The following KNG1 variants were observed in gnomAD, a reference collection of about 807,000 sequenced individuals.
The protein encoded by KNG1 is kininogen-1.
Under a neutral mutation model 47.8 loss-of-function variants are expected in KNG1, and 23 were observed. That is an observed-to-expected ratio of 0.48 (90% confidence interval 0.35 to 0.68). The LOEUF is 0.68. Ranked by LOEUF, KNG1 falls within the 30% of genes least tolerant of loss-of-function variation. KNG1 has a pLI of 0.01. For synonymous variants in KNG1, 277 were observed against 277.0 expected (o/e 1.00, Z 0.00); for missense variants, 762 against 790.2 (o/e 0.96, Z 0.43).
intron 4 of KNG1, among the ~76,000 whole-genome samples, 196 bp from the exon 5 acceptor site, chr3:186,727,041 T>TG (rs3217421): frequency 0.32 from 48,462 of 151,268 alleles, 8,378 homozygotes; most frequent in Middle Eastern, 0.48. Flanking sequence ...TGTGTGTGTG[T>TG]TTGTGTGAGA....
At chr3:186,726,640 A>T (rs1265277008) in intron 4 of KNG1, among the ~76,000 whole-genome samples, 1 of 152,070 alleles carries the variant, frequency 6.6e-6, no homozygotes, top group Non-Finnish European at 1.5e-5. Context: ...TCAGCCTCTT[A>T]TTATGAGTGA....
intron 4 of KNG1, among the ~76,000 whole-genome samples, 190 bp from the exon 5 acceptor site, chr3:186,727,047 T>A (rs1218939903): frequency 6.6e-6 from 1 of 151,770 alleles, no homozygotes; most frequent in African/African-American, 2.4e-5. Context: ...TGTGTTTGTG[T>A]GAGAGATATG....
intron 3 of KNG1, among the ~76,000 whole-genome samples, chr3:186,724,120 T>C (rs1720282595): frequency 6.6e-6 from 1 of 152,248 alleles, no homozygotes; most frequent in Non-Finnish European, 1.5e-5. Flanking sequence ...ACTGGATATA[T>C]GGTATTTGGT....
intron 7 of KNG1, among the ~76,000 whole-genome samples, chr3:186,735,091 C>T (rs1017102052): frequency 9.9e-5 from 15 of 152,168 alleles, no homozygotes; most frequent in Admixed American, 6.5e-4. Flanking sequence ...TTGAAAGGGA[C>T]GCCAATCTAT....
At chr3:186,733,202 C>A (rs538538728) in intron 7 of KNG1, among the ~76,000 whole-genome samples, 1 of 151,844 alleles carries the variant, frequency 6.6e-6, no homozygotes, top group East Asian at 1.9e-4. Context: ...GCCGAGATTG[C>A]GCCACTGCAC....
chr3:186,732,547 C>T lies in KNG1; in HGVS notation c.803C>T (p.Pro268Leu). The T allele has an allele frequency of 7.4e-6, 12 of 1,614,120 alleles. No individual in the cohort carries two copies. The highest frequency in any genetic ancestry group is 1.0e-5 in the Non-Finnish European group (12 of 1,180,026). ...CCTACCAAGATTTGCGTGGGCTGCC[C>T]CAGAGATATACCCACCAACAGCCCA... Reference protein sequence around the residue: ...QPPTKICVGCPRDIPTNSPEL... With the variant: ...QPPTKICVGCLRDIPTNSPEL... The change falls in exon 7 of 10, where the codon CCC (proline) becomes CTC (leucine). Residue 268 changes from proline (P) to leucine (L), a missense_variant. Coordinates refer to ENST00000644859, the MANE Select transcript of KNG1 (RefSeq NM_001102416.3).
At chr3:186,722,810 G>C (rs904241801) in intron 3 of KNG1, among the ~76,000 whole-genome samples, 3 of 152,168 alleles carry the variant, frequency 2.0e-5, no homozygotes, top group African/African-American at 7.2e-5. Context: ...TCCATTGCAG[G>C]CAGCATCCCA....
At position 186,731,136 on chromosome 3, in the gene KNG1, G is replaced by A. The variant is rs140944239; in HGVS notation, c.673-409G>A. ...TTACTAATACTGTAGTTCCTGCTAC[G>A]TTTATATTTGTCTCACGTAGCTTTG... On this transcript the variant is annotated intron_variant, in intron 5 of 9. Transcript: ENST00000644859. Among the ~76,000 whole-genome samples the A allele has an allele frequency of 4.5e-4, 68 of 152,112 alleles. No homozygotes were observed. In the East Asian group the frequency reaches 0.011, roughly 24 times the overall value.
At chr3:186,730,203 T>C (rs1419694653) in intron 5 of KNG1, among the ~76,000 whole-genome samples, 1 of 152,124 alleles carries the variant, frequency 6.6e-6, no homozygotes, top group Admixed American at 6.5e-5. Flanking sequence ...GGCAAGCATG[T>C]TTATATTTCC....
At chr3:186,735,500 C>T (rs1720650055) in intron 7 of KNG1, among the ~76,000 whole-genome samples, 1 of 152,048 alleles carries the variant, frequency 6.6e-6, no homozygotes, top group Non-Finnish European at 1.5e-5. Flanking sequence ...TGCCTATAAT[C>T]CCAGCTACTC....
At chr3:186,722,568 T>A in intron 3 of KNG1, 47 bp downstream of exon 3, 1 of 1,407,198 alleles carries the variant, frequency 7.1e-7, no homozygotes, top group Non-Finnish European at 1.0e-6. Flanking sequence ...AATTAACCAT[T>A]TCTGTGAGCC....
chr3:186,728,729 CA>C, intron 5 of KNG1: 1 of 152,314 alleles, frequency 6.6e-6, no homozygotes, highest in East Asian at 1.9e-4. Flanking sequence ...CGGCTCACTG[CA>C]ACCTCTGCCT....
chr3:186,730,755 C>T (rs996448964), intron 5 of KNG1, among the ~76,000 whole-genome samples: 3 of 134,824 alleles, frequency 2.2e-5, no homozygotes, highest in East Asian at 2.2e-4. Context: ...TATATATATA[C>T]ACATATATAT....
rs1720735459 is a variant in KNG1 at position 186,738,977 on chromosome 3, G to A, written c.931-122G>A. On this transcript the variant is annotated intron_variant, in intron 7 of 9. Transcript: ENST00000644859. Reference sequence around the variant, plus strand: ...TTTAATGCCAAACGTGTACTTTTTTGTATGTAACTCTCTAAGTTGGTCAAT... The same window carrying A: ...TTTAATGCCAAACGTGTACTTTTTTATATGTAACTCTCTAAGTTGGTCAAT... 11 of 809,240 alleles carry A rather than the reference G, an allele frequency of 1.4e-5. 1 individual carries two copies. In the South Asian group the frequency reaches 1.6e-4, roughly 12 times the overall value. 50.1% of individuals were successfully genotyped at this position (809,240 alleles called of 1,614,324 possible). A position where few individuals can be genotyped will look rare whatever the true frequency, so the allele number is the denominator to read the frequency against.
Position 186,742,122 on chromosome 3 carries a change from A to T in KNG1, c.1726A>T (p.Ile576Leu), listed in dbSNP as rs1304035011. ...TCTCATTGCAACTATGATGCCTCCT[A>T]TATCACCAGCTCCCATACAGAGTGA... ...SDLIATMMPP[I>L]SPAPIQSDDD... is the part of the protein sequence containing the mutation. The change falls in exon 10 of 10, where the codon ATA (isoleucine) becomes TTA (leucine). Residue 576 changes from isoleucine (I) to leucine (L), a missense_variant. By Grantham distance (5) the Ile-to-Leu change is conservative. Coordinates refer to ENST00000644859, the MANE Select transcript of KNG1 (RefSeq NM_001102416.3). The T allele has an allele frequency of 1.1e-5, 18 of 1,613,978 alleles. No homozygotes were observed. Among genetic ancestry groups the T allele is most frequent in the Non-Finnish European group, 1.4e-5 (17 of 1,180,000 alleles).
At chr3:186,724,825 C>G (rs1720303664) in intron 3 of KNG1, among the ~76,000 whole-genome samples, 1 of 151,908 alleles carries the variant, frequency 6.6e-6, no homozygotes, top group East Asian at 1.9e-4. Context: ...CCTCAGCCCC[C>G]CGAGTAGCTG....
chr3:186,717,987 T>TCATCACCCACCACCACCCACCAC, intron 1 of KNG1: 1 of 180,374 alleles, frequency 5.5e-6, no homozygotes. Flanking sequence ...CCACCCACCA[T>TCATCACCCACCACCACCCACCAC]CATCACCCAC....
intron 5 of KNG1, among the ~76,000 whole-genome samples, 181 bp from the exon 6 acceptor site, chr3:186,731,364 T>C (rs1720528074): frequency 1.3e-5 from 2 of 152,230 alleles, no homozygotes. Context: ...TATTTGTTGA[T>C]GCTATTGATA....
chr3:186,730,705 TATATATATATACACACAC>T (rs1560065985), intron 5 of KNG1, among the ~76,000 whole-genome samples: 7 of 103,280 alleles, frequency 6.8e-5, no homozygotes, highest in African/African-American at 1.9e-4. Context: ...TATATATATA[TATATATATATACACACAC>T]ACACACATAT....
Sources: gnomAD v4.1 joint callset for allele counts (sites outside exome capture counted in the v4.1 genomes callset) on GRCh38, gnomAD v4.1.1 for gene constraint, MANE v1.5 for transcripts, NCBI Gene and HGNC (gene_info 2026-07-23, HGNC 2026-07-21) for gene names.